SGCE: variants seen among roughly 807,000 people sequenced by gnomAD.
SGCE encodes epsilon-sarcoglycan.
Under a neutral mutation model 57.8 loss-of-function variants are expected in SGCE, and 26 were observed. The ratio of observed to expected loss-of-function variants is 0.45; its 90% confidence interval spans 0.33 to 0.62. SGCE has a LOEUF of 0.62. SGCE is among the 20% of genes least tolerant of loss of function. The pLI is 0.02. For synonymous variants in SGCE, 183 were observed against 189.5 expected (o/e 0.97, Z 0.28); for missense variants, 468 against 548.6 (o/e 0.85, Z 1.47).
In SGCE at chr7:94,614,314, A is replaced by G. The variant is rs146467934; in HGVS notation, c.662+4444T>C. ...TGGGTCCCCTAAAATCCCAGCACCT[A>G]TATCCACACAGCATTTCCTCCATTC... On this transcript the variant is annotated intron_variant, in intron 5 of 10. Coordinates refer to ENST00000648936, the MANE Select transcript of SGCE (RefSeq NM_003919.3). Among the ~76,000 whole-genome samples the G allele has an allele frequency of 4.5e-3, 687 of 152,252 alleles. 8 individuals are homozygous for G. The highest frequency in any genetic ancestry group is 0.015 in the African/African-American group (604 of 41,548).
At chr7:94,653,891 C>A (rs1808227363) in intron 1 of SGCE, among the ~76,000 whole-genome samples, 1 of 151,762 alleles carries the variant, frequency 6.6e-6, no homozygotes, top group African/African-American at 2.4e-5. Flanking sequence ...ATATTATTTC[C>A]TTTAAAGAAA....
At chr7:94,591,452 T>G (rs1384906801) in intron 9 of SGCE, among the ~76,000 whole-genome samples, 2 of 152,182 alleles carry the variant, frequency 1.3e-5, no homozygotes, top group African/African-American at 4.8e-5. Flanking sequence ...GTCAGCAGAT[T>G]GAATCAACAC....
chr7:94,608,082 A>G (rs1016988361), intron 5 of SGCE, among the ~76,000 whole-genome samples: 2 of 152,156 alleles, frequency 1.3e-5, no homozygotes, highest in Admixed American at 1.3e-4. Context: ...GATGGCTCAC[A>G]CCTGTAATCC....
intron 5 of SGCE, among the ~76,000 whole-genome samples, chr7:94,608,372 G>A (rs923205630): frequency 1.3e-5 from 2 of 151,992 alleles, no homozygotes; most frequent in African/African-American, 4.8e-5. Flanking sequence ...AATAAAATAG[G>A]TACAAGATCT....
rs188053071 is a variant in SGCE, at chr7:94,591,970, C to T, written c.1254-3238G>A. Among the ~76,000 whole-genome samples the T allele has an allele frequency of 4.5e-4, 69 of 152,234 alleles. No homozygotes were observed. The East Asian group carries it at 0.013, about 29-fold the overall frequency. On this transcript the variant is annotated intron_variant, in intron 9 of 10. Coordinates refer to ENST00000648936, the MANE Select transcript of SGCE (RefSeq NM_003919.3). ...GCACTCCTTGCAGTTTCAAAGGAAA[C>T]TTAGATGAGTTATATTAAAAATGCT... is the stretch of plus-strand genomic sequence containing the variant.
intron 9 of SGCE, chr7:94,598,493 T>C (rs1282413062): frequency 2.7e-6 from 1 of 368,986 alleles, no homozygotes; most frequent in Non-Finnish European, 4.9e-6. Context: ...AACTCATCTT[T>C]GAGCAAACAT....
chr7:94,604,940 A>G (rs1012944252), intron 5 of SGCE, among the ~76,000 whole-genome samples: 4 of 149,648 alleles, frequency 2.7e-5, no homozygotes, highest in East Asian at 1.9e-4. Flanking sequence ...TGAGAAGCAT[A>G]TGTGAAATTC....
intron 9 of SGCE, among the ~76,000 whole-genome samples, chr7:94,593,582 C>T (rs1211230930): frequency 6.6e-6 from 1 of 151,924 alleles, no homozygotes; most frequent in African/African-American, 2.4e-5. Context: ...TACAAAATAA[C>T]ATTTTTTCAA....
At chr7:94,622,753 A>C (rs116531620) in intron 4 of SGCE, 109 of 152,316 alleles carry the variant, frequency 7.2e-4, no homozygotes, top group African/African-American at 2.5e-3. Flanking sequence ...TTCTTAGGAA[A>C]TCACTTACAA....
In SGCE at chr7:94,656,047, G is replaced by A; in HGVS notation, c.52C>T (p.Gln18Ter). 6.2e-7 allele frequency: 1 copy of A among 1,613,552 alleles called. No homozygotes were observed. Among genetic ancestry groups the A allele is most frequent in the Non-Finnish European group, 8.5e-7 (1 of 1,179,582 alleles). Reference protein sequence around the residue: ...ELGDPCAWTGQGRGTRRMSPA... With the variant: ...ELGDPCAWTG The stretch of plus-strand genomic sequence containing the variant: ...CTCATCCTGCGTGTCCCCCGACCCT[G>A]TCCCGTCCAAGCACAGGGGTCTCCC... The change falls in exon 1 of 11, where the codon CAG (glutamine) becomes TAG (stop). Residue 18 changes from glutamine (Q) to a stop codon, truncating the protein, a stop_gained. Coordinates refer to ENST00000648936, the MANE Select transcript of SGCE (RefSeq NM_003919.3). LOFTEE classifies it high-confidence loss of function.
intron 1 of SGCE, among the ~76,000 whole-genome samples, chr7:94,654,563 C>A (rs183320507): frequency 6.6e-6 from 1 of 152,256 alleles, no homozygotes; most frequent in East Asian, 1.9e-4. Context: ...TGTGTTTACC[C>A]AACTTCCTAG....
At chr7:94,595,704 G>GT (rs1005274216) in intron 9 of SGCE, among the ~76,000 whole-genome samples, 1 of 152,014 alleles carries the variant, frequency 6.6e-6, no homozygotes, top group African/African-American at 2.4e-5. Context: ...TGTTTTTCTG[G>GT]TAAAAAGTAA....
At chr7:94,600,427 A>G (rs1040023909) in intron 7 of SGCE, 3 of 512,114 alleles carry the variant, frequency 5.9e-6, no homozygotes, top group African/African-American at 5.8e-5. Context: ...TCTAGCCTTA[A>G]TAATTTTTGA....
Position 94,585,486 on chromosome 7 carries a change from C to A in SGCE, c.*13G>T. On this transcript the variant is annotated 3_prime_UTR_variant, in exon 11 of 11. Coordinates refer to ENST00000648936, the MANE Select transcript of SGCE (RefSeq NM_003919.3). Reference sequence around the variant, plus strand: ...CTGATTATAAATTCATTGCTTCAGTCAGTTTTCTTTCTTCAGGGATACCAT... The same window carrying A: ...CTGATTATAAATTCATTGCTTCAGTAAGTTTTCTTTCTTCAGGGATACCAT... 1 of 1,606,808 alleles carries A rather than the reference C, an allele frequency of 6.2e-7. No homozygotes were observed. Among genetic ancestry groups the A allele is most frequent in the South Asian group, 1.1e-5 (1 of 90,900 alleles).
rs771517384 is a variant in SGCE at position 94,656,118 on chromosome 7, T to G, written c.-20A>C. The G allele has an allele frequency of 2.8e-6, 4 of 1,447,120 alleles. No homozygotes were observed. Among genetic ancestry groups the G allele is most frequent in the Non-Finnish European group, 3.9e-6 (4 of 1,028,266 alleles). 89.6% of individuals were successfully genotyped at this position (1,447,120 alleles called of 1,614,324 possible). A position where few individuals can be genotyped will look rare whatever the true frequency, so the allele number is the denominator to read the frequency against. ...TTGCATTCTTGGCCTGGCTAGGCCG[T>G]CCGTCCTCGATTCTCCCCTCCCCTC... On this transcript the variant is annotated 5_prime_UTR_variant, in exon 1 of 11. Coordinates refer to ENST00000648936, the MANE Select transcript of SGCE (RefSeq NM_003919.3).
At chr7:94,596,158 C>G (rs1798369997) in intron 9 of SGCE, among the ~76,000 whole-genome samples, 1 of 152,040 alleles carries the variant, frequency 6.6e-6, no homozygotes, top group Admixed American at 6.6e-5. Flanking sequence ...TCTGATCAAC[C>G]TAATGACAGT....
intron 5 of SGCE, among the ~76,000 whole-genome samples, chr7:94,616,182 C>T (rs1801910799): frequency 6.6e-6 from 1 of 152,144 alleles, no homozygotes; most frequent in Admixed American, 6.6e-5. Flanking sequence ...CACTTAATGA[C>T]ACTTCAGGCA....
chr7:94,648,376 C>CAAAAAAAAAAAAAAAAAAAAAAAA (rs71123907), intron 1 of SGCE, among the ~76,000 whole-genome samples: 10 of 65,080 alleles, frequency 1.5e-4, no homozygotes, highest in Non-Finnish European at 2.5e-4. Flanking sequence ...ACTCTGTCTC[C>CAAAAAAAAAAAAAAAAAAAAAAAA]AAAAAAAAAA....
intron 2 of SGCE, 22 bp downstream of exon 2, chr7:94,629,697 T>A (rs1294673899): frequency 1.2e-6 from 2 of 1,610,246 alleles, no homozygotes; most frequent in African/African-American, 2.7e-5. Flanking sequence ...TAACTGCTTT[T>A]TTTTCCTCAC....
Sources: allele counts gnomAD v4.1 joint callset (sites outside exome capture counted in the v4.1 genomes callset), GRCh38; gene constraint gnomAD v4.1.1; transcripts MANE v1.5; gene names NCBI Gene and HGNC (gene_info 2026-07-23, HGNC 2026-07-21).